Variants in SLC25A48 observed in about 807,000 individuals in gnomAD.
SLC25A48 encodes the protein solute carrier family 25 member 48, also known as CTC-321K16.1.
A neutral mutation model predicts 32.2 loss-of-function variants in SLC25A48; 29 were observed. The observed-to-expected ratio is 0.90, with a 90% CI of 0.67 to 1.23. SLC25A48 has a LOEUF of 1.23. Ranked by LOEUF, SLC25A48 falls within the 50% of genes most tolerant of loss-of-function variation. The pLI, the probability that SLC25A48 is intolerant of heterozygous loss-of-function variation, is 0.00. For synonymous variants in SLC25A48, 164 were observed against 172.3 expected, an observed-to-expected ratio of 0.95 and a Z score of 0.38; for missense variants, 399 against 422.7, an observed-to-expected ratio of 0.94 and a Z score of 0.49.
rs150884325 is a variant in SLC25A48 at position 135,711,129 on chromosome 5, C to T, written c.-521+76173C>T. On this transcript the variant is annotated intron_variant, in intron 3 of 10. Coordinates refer to the SLC25A48 transcript ENST00000646290. ...TTTGAGGAGAGCAGTGCAAGAGTTG[C>T]CTGACCAGAAATATTCACTGTGGAC... Among the ~76,000 whole-genome samples, 456 of 152,304 alleles carry T rather than the reference C, an allele frequency of 3.0e-3. 2 individuals carry two copies. Among genetic ancestry groups the T allele is most frequent in the Middle Eastern group, 0.017 (5 of 294 alleles).
intron 3 of SLC25A48, among the ~76,000 whole-genome samples, chr5:135,804,396 C>T (rs553560359): frequency 9.9e-5 from 15 of 151,754 alleles, no homozygotes; most frequent in Non-Finnish European, 1.8e-4. Context: ...CCATAATGTA[C>T]ACCCCCTGTG....
At chr5:135,781,232 A>G (rs1207430005) in intron 3 of SLC25A48, among the ~76,000 whole-genome samples, 1 of 116,526 alleles carries the variant, frequency 8.6e-6, no homozygotes, top group African/African-American at 2.6e-5. Flanking sequence ...ATTGTTTCTA[A>G]TATCCAGGCG....
At chr5:135,619,737 T>C (rs1453978558) in intron 1 of SLC25A48, among the ~76,000 whole-genome samples, 2 of 152,192 alleles carry the variant, frequency 1.3e-5, no homozygotes, top group Non-Finnish European at 2.9e-5. Context: ...TACTGTAGTC[T>C]GTATGTGATT....
At chr5:135,631,883 T>C (rs943245864) in intron 2 of SLC25A48, among the ~76,000 whole-genome samples, 2 of 152,336 alleles carry the variant, frequency 1.3e-5, no homozygotes, top group African/African-American at 4.8e-5. Context: ...TCCTGTGGTA[T>C]ATTTTTGCTC....
At chr5:135,855,561 A>G (rs1034757249) in intron 4 of SLC25A48, among the ~76,000 whole-genome samples, 2 of 152,220 alleles carry the variant, frequency 1.3e-5, no homozygotes, top group Non-Finnish European at 2.9e-5. Context: ...GCCACCAGTG[A>G]GAGTGAGGCA....
At chr5:135,814,980 G>A (rs1757680418) in intron 4 of SLC25A48, among the ~76,000 whole-genome samples, 1 of 152,240 alleles carries the variant, frequency 6.6e-6, no homozygotes, top group African/African-American at 2.4e-5. Flanking sequence ...AGATGCTGGA[G>A]CTGTGGGCCT....
At chr5:135,796,990 C>T (rs1757198880) in intron 3 of SLC25A48, among the ~76,000 whole-genome samples, 1 of 151,668 alleles carries the variant, frequency 6.6e-6, no homozygotes, top group Admixed American at 6.6e-5. Context: ...TTCACCCCCC[C>T]ATGATATTGT....
rs200784045 is a variant in SLC25A48 at position 135,734,022 on chromosome 5, AAGG to A, written c.-520-78498_-520-78496del. Among the ~76,000 whole-genome samples the A allele has an allele frequency of 1.0e-2, 1,522 of 152,256 alleles. 31 individuals are homozygous for A. The highest frequency in any genetic ancestry group is 0.034 in the African/African-American group (1,432 of 41,538). On this transcript the variant is annotated intron_variant, in intron 3 of 10. Coordinates refer to the SLC25A48 transcript ENST00000646290. Reference sequence around the variant, plus strand: ...AGGACAGGTAAAATGGGGGAATTGTAAGGAGAGATTTTAGGCTCTAAAAGGCCA... The same window carrying A: ...AGGACAGGTAAAATGGGGGAATTGTAAGAGATTTTAGGCTCTAAAAGGCCA...
chr5:135,717,520 A>C (rs1431810013), intron 3 of SLC25A48, among the ~76,000 whole-genome samples: 1 of 152,240 alleles, frequency 6.6e-6, no homozygotes, highest in African/African-American at 2.4e-5. Flanking sequence ...TGCAGATGTA[A>C]TTAGTTAAAA....
chr5:135,728,381 T>A (rs968548719), intron 3 of SLC25A48, among the ~76,000 whole-genome samples: 6 of 152,160 alleles, frequency 3.9e-5, no homozygotes, highest in Non-Finnish European at 7.4e-5. Context: ...GTATACAACC[T>A]ATATAGACTG....
chr5:135,650,360 C>T, intron 3 of SLC25A48: 1 of 452,204 alleles, frequency 2.2e-6, no homozygotes, highest in Non-Finnish European at 4.4e-6. Flanking sequence ...ACGGACATTG[C>T]CAGCATTCAA....
chr5:135,709,072 T>C (rs1754590841), intron 3 of SLC25A48, among the ~76,000 whole-genome samples: 1 of 152,206 alleles, frequency 6.6e-6, no homozygotes, highest in Non-Finnish European at 1.5e-5. Flanking sequence ...ACAAAACAGA[T>C]TTTGGTTCAC....
At chr5:135,798,572 A>G (rs1757243505) in intron 3 of SLC25A48, among the ~76,000 whole-genome samples, 1 of 151,294 alleles carries the variant, frequency 6.6e-6, no homozygotes, top group Non-Finnish European at 1.5e-5. Flanking sequence ...TATTGTTCCT[A>G]TTATCCAGGT....
chr5:135,673,847 T>C (rs115191716), intron 3 of SLC25A48, among the ~76,000 whole-genome samples: 5 of 151,974 alleles, frequency 3.3e-5, no homozygotes, highest in African/African-American at 9.7e-5. Flanking sequence ...TCTTCTTACA[T>C]TTGGGTCTAT....
intron 3 of SLC25A48, among the ~76,000 whole-genome samples, chr5:135,669,329 C>T (rs144932968): frequency 1.4e-3 from 214 of 152,224 alleles, no homozygotes; most frequent in African/African-American, 4.8e-3. Flanking sequence ...TGGATAGGGG[C>T]TGCCTTCTTG....
At chr5:135,770,160 C>G (rs1756367667) in intron 3 of SLC25A48, among the ~76,000 whole-genome samples, 1 of 151,530 alleles carries the variant, frequency 6.6e-6, no homozygotes, top group African/African-American at 2.4e-5. Context: ...TCCTAATATT[C>G]AGAAAAGAAG....
chr5:135,853,443 T>A (rs928588085), intron 4 of SLC25A48, among the ~76,000 whole-genome samples: 7 of 152,264 alleles, frequency 4.6e-5, no homozygotes, highest in African/African-American at 1.7e-4. Flanking sequence ...CTTTATCAGC[T>A]AAGTTTATGG....
chr5:135,664,593 C>T (rs1053906704), intron 3 of SLC25A48, among the ~76,000 whole-genome samples: 2 of 152,134 alleles, frequency 1.3e-5, no homozygotes, highest in Non-Finnish European at 2.9e-5. Context: ...CCCAACTTCC[C>T]CCTAAGTCTC....
chr5:135,834,862 G>C lies in SLC25A48; in HGVS notation c.15G>C (p.Gln5His). The change falls in exon 1 of 8, where the codon CAG becomes CAC. Residue 5 changes from glutamine to histidine, a missense_variant. Transcript: ENST00000681962. MGSF[Q>H]LEDFAAGWIG... ...GAGCGCCGGCCATGGGAAGCTTCCA[G>C]CTGGAAGACTTTGCGGCGGGCTGGA... is the stretch of plus-strand genomic sequence containing the variant. The C allele has an allele frequency of 1.9e-6, 3 of 1,604,322 alleles. No individual in the cohort carries two copies. The East Asian group carries it at 6.7e-5, about 36-fold the overall frequency.
Sources: allele counts gnomAD v4.1 joint callset (sites outside exome capture counted in the v4.1 genomes callset), GRCh38; gene constraint gnomAD v4.1.1; transcripts MANE v1.5; gene names NCBI Gene and HGNC (gene_info 2026-07-23, HGNC 2026-07-21).